The following ARPC1A variants were observed in gnomAD, a reference collection of about 807,000 sequenced individuals.
The protein encoded by ARPC1A is actin-related protein 2/3 complex subunit 1A.
In ARPC1A, 8 loss-of-function variants were observed where a neutral mutation model predicts 46.9. The ratio of observed to expected loss-of-function variants is 0.17; its 90% CI spans 0.10 to 0.31. ARPC1A has a LOEUF of 0.31. ARPC1A is among the 10% of genes least tolerant of loss of function. ARPC1A has a pLI of 1.00. For missense variants in ARPC1A, 286 were observed against 483.6 expected (o/e 0.59, Z 3.83); for synonymous variants, 152 against 169.0 (o/e 0.90, Z 0.78).
chr7:99,347,129 G>A (rs1793467703), intron 4 of ARPC1A, among the ~76,000 whole-genome samples: 1 of 151,980 alleles, frequency 6.6e-6, no homozygotes, highest in Non-Finnish European at 1.5e-5. Context: ...GAGTACAGTG[G>A]TACAAACACG....
chr7:99,361,636 A>C (rs1312308933), intron 8 of ARPC1A, among the ~76,000 whole-genome samples: 1 of 152,136 alleles, frequency 6.6e-6, no homozygotes, highest in African/African-American at 2.4e-5. Context: ...ATACAGACCA[A>C]GTGTTAAGGA....
At position 99,333,412 on chromosome 7, in the gene ARPC1A, G is replaced by A. The variant is rs759448154; in HGVS notation, c.59G>A (p.Arg20His). 2 of 1,611,134 alleles carry A rather than the reference G, an allele frequency of 1.2e-6. No individual in the cohort carries two copies. Among genetic ancestry groups the A allele is most frequent in the Non-Finnish European group, 1.7e-6 (2 of 1,178,820 alleles). Residue 20 changes from arginine (R) to histidine (H), a missense_variant, in exon 2 of 10, where the codon CGT (arginine) becomes CAT (histidine). Transcript: ENST00000262942. ...ACCTGTCATGCCTGGAACAGGGATCGTACTCGTAAGTATTTTATTAACTTT... is the reference window on the plus strand; with the variant it reads ...ACCTGTCATGCCTGGAACAGGGATCATACTCGTAAGTATTTTATTAACTTT... ...PITCHAWNRD[R>H]TQIALSPNNH...
At chr7:99,331,430 C>A (rs907937789) in intron 1 of ARPC1A, among the ~76,000 whole-genome samples, 1 of 150,848 alleles carries the variant, frequency 6.6e-6, no homozygotes, top group Admixed American at 6.6e-5. Flanking sequence ...AAAGAAGTTA[C>A]AGAAGACATC....
At position 99,340,193 on chromosome 7, in the gene ARPC1A, C is replaced by G. The variant is rs140453685; in HGVS notation, c.169+1908C>G. On this transcript the variant is annotated intron_variant, in intron 3 of 9. Transcript: ENST00000262942. ...GTTTGTTTGTTTTGAGATGGAGTGT[C>G]ATTCTGTCGTCTAGGCTGAAATGGA... is the stretch of plus-strand genomic sequence containing the variant. Among the ~76,000 whole-genome samples, 141 of 152,108 alleles carry G rather than the reference C, an allele frequency of 9.3e-4. 2 individuals are homozygous for G. Among genetic ancestry groups the G allele is most frequent in the African/African-American group, 3.1e-3 (130 of 41,500 alleles).
rs953940559 is a variant in ARPC1A, at chr7:99,359,887, G to A, written c.983+149G>A. 5.7e-5 allele frequency: 52 copies of A among 913,234 alleles called. No individual in the cohort carries two copies. In the East Asian group the frequency reaches 7.4e-4, roughly 13 times the overall value. The allele number at this position is 913,234 out of a possible 1,614,324, so 56.6% of individuals were successfully genotyped here. On this transcript the variant is annotated intron_variant, in intron 8 of 9. Transcript: ENST00000262942. Reference sequence around the variant, plus strand: ...TGCAGCAAGAAGTCTGTATCTTCCCGACCGCCAGGCTCTCATTTCCAGCTC... The same window carrying A: ...TGCAGCAAGAAGTCTGTATCTTCCCAACCGCCAGGCTCTCATTTCCAGCTC...
chr7:99,330,310 T>A (rs1250925716), intron 1 of ARPC1A, among the ~76,000 whole-genome samples: 1 of 151,888 alleles, frequency 6.6e-6, no homozygotes, highest in Non-Finnish European at 1.5e-5. Context: ...CCCCCCTTTT[T>A]GTTTGTTTGT....
chr7:99,363,516 G>A (rs766822097), intron 8 of ARPC1A, 27 bp from the exon 9 acceptor site: 11 of 1,555,960 alleles, frequency 7.1e-6, no homozygotes, highest in African/African-American at 2.7e-5. Context: ...CATACCTTAC[G>A]ATCTCTTTTG....
At chr7:99,342,996 C>A (rs1010635152) in intron 3 of ARPC1A, among the ~76,000 whole-genome samples, 2 of 151,970 alleles carry the variant, frequency 1.3e-5, no homozygotes, top group Non-Finnish European at 2.9e-5. Context: ...AGCCACCGCG[C>A]CCGGCCTAAC....
At chr7:99,335,483 T>C in intron 2 of ARPC1A, 1 of 382,050 alleles carries the variant, frequency 2.6e-6, no homozygotes, top group Non-Finnish European at 5.1e-6. Context: ...TATAGCTTGG[T>C]GGTAAGTTTT....
intron 1 of ARPC1A, among the ~76,000 whole-genome samples, chr7:99,327,128 G>A (rs1241760676): frequency 6.6e-6 from 1 of 152,048 alleles, no homozygotes; most frequent in Non-Finnish European, 1.5e-5. Flanking sequence ...AACAGAGGAG[G>A]GGCATCAGTC....
intron 8 of ARPC1A, among the ~76,000 whole-genome samples, chr7:99,362,392 C>G (rs1334371620): frequency 7.2e-6 from 1 of 139,556 alleles, no homozygotes; most frequent in Non-Finnish European, 1.5e-5. Flanking sequence ...AGTGCAGTGG[C>G]ACGATCTTGG....
chr7:99,339,048 A>G (rs1162409000), intron 3 of ARPC1A, among the ~76,000 whole-genome samples: 1 of 152,178 alleles, frequency 6.6e-6, no homozygotes, highest in Non-Finnish European at 1.5e-5. Context: ...AGAATTACCA[A>G]CTTTTTCCCT....
intron 4 of ARPC1A, among the ~76,000 whole-genome samples, chr7:99,347,065 T>TTTTA (rs936810481): frequency 2.0e-5 from 3 of 152,234 alleles, no homozygotes; most frequent in African/African-American, 7.2e-5. Flanking sequence ...TGGTTTTTTA[T>TTTTA]TTTATTTATT....
chr7:99,348,486 C>T (rs1468367231), intron 4 of ARPC1A, among the ~76,000 whole-genome samples: 1 of 152,090 alleles, frequency 6.6e-6, no homozygotes, highest in Non-Finnish European at 1.5e-5. Flanking sequence ...GCCGGTAGAT[C>T]ACTTGAGCCC....
chr7:99,359,765 C>A lies in ARPC1A; in HGVS notation c.983+27C>A. 3 of 1,612,952 alleles carry A rather than the reference C, an allele frequency of 1.9e-6. No individual in the cohort carries two copies. In the South Asian group the frequency reaches 3.3e-5, roughly 18 times the overall value. On this transcript the variant is annotated intron_variant, in intron 8 of 9. Coordinates refer to ENST00000262942, the MANE Select transcript of ARPC1A (RefSeq NM_006409.4). ...TAGGTGCCGTCTGTAGAGAGGTGGT[C>A]AGGTGACAAGGTGCCTTCCTGCCCC... is the stretch of plus-strand genomic sequence containing the variant.
intron 5 of ARPC1A, among the ~76,000 whole-genome samples, chr7:99,351,948 G>A (rs1225907426): frequency 2.0e-5 from 3 of 152,082 alleles, no homozygotes; most frequent in East Asian, 1.9e-4. Context: ...GGAAACGGGC[G>A]ACACCACCTA....
At chr7:99,344,898 G>T (rs1793418852) in intron 4 of ARPC1A, among the ~76,000 whole-genome samples, 1 of 129,542 alleles carries the variant, frequency 7.7e-6, no homozygotes, top group African/African-American at 3.1e-5. Context: ...ATCTATGTAG[G>T]ATTCCTACAG....
At chr7:99,332,293 T>C (rs1793155790) in intron 1 of ARPC1A, among the ~76,000 whole-genome samples, 1 of 152,218 alleles carries the variant, frequency 6.6e-6, no homozygotes, top group African/African-American at 2.4e-5. Flanking sequence ...CTGGTTTGGA[T>C]GGTACGTTAA....
Position 99,338,650 on chromosome 7 carries a change from C to T in ARPC1A, c.169+365C>T, listed in dbSNP as rs150517765. On this transcript the variant is annotated intron_variant, in intron 3 of 9. Transcript: ENST00000262942. ...CCTCCTGCCTCGGCCTCCCAATGTG[C>T]TGGGATTACAGGAGTGAGCTACCGC... Among the ~76,000 whole-genome samples the T allele has an allele frequency of 9.0e-4, 137 of 152,138 alleles. 1 individual carries two copies. The highest frequency in any genetic ancestry group is 3.3e-3 in the African/African-American group (136 of 41,504).
Sources: gnomAD v4.1 joint callset for allele counts (sites outside exome capture counted in the v4.1 genomes callset) on GRCh38, gnomAD v4.1.1 for gene constraint, MANE v1.5 for transcripts, NCBI Gene and HGNC (gene_info 2026-07-23, HGNC 2026-07-21) for gene names.